The following CDH13 variants were observed in gnomAD, a reference collection of about 807,000 sequenced individuals.
CDH13 encodes the protein cadherin-13.
CDH13 carries 24 observed loss-of-function variants against 63.8 expected under a neutral mutation model. That is an observed-to-expected ratio of 0.38 (90% CI 0.27 to 0.53). CDH13 has a LOEUF of 0.53. CDH13 is among the 20% of genes least tolerant of loss of function. The pLI is 0.85. For missense variants in CDH13, 1,049 were observed against 903.1 expected (o/e 1.16, Z -2.07); for synonymous variants, 503 against 355.3 (o/e 1.42, Z -4.67).
At chr16:83,119,526 T>G (rs1054139533) in intron 3 of CDH13, among the ~76,000 whole-genome samples, 2 of 152,164 alleles carry the variant, frequency 1.3e-5, no homozygotes. Flanking sequence ...ACCTCCCTCC[T>G]TTACGCTGAT....
intron 10 of CDH13, among the ~76,000 whole-genome samples, chr16:83,698,628 G>A (rs1905747163): frequency 6.6e-6 from 1 of 152,228 alleles, no homozygotes; most frequent in South Asian, 2.1e-4. Flanking sequence ...TGAGGAGGAT[G>A]CTTAGCCCTA....
intron 5 of CDH13, among the ~76,000 whole-genome samples, chr16:83,271,508 A>C (rs1347386178): frequency 2.8e-5 from 4 of 140,650 alleles, no homozygotes; most frequent in Admixed American, 2.2e-4. Flanking sequence ...TTTAAAAAAA[A>C]ACAAAACAAA....
intron 1 of CDH13, among the ~76,000 whole-genome samples, chr16:82,682,026 C>T (rs755715579): frequency 3.3e-5 from 5 of 152,214 alleles, no homozygotes; most frequent in Non-Finnish European, 7.3e-5. Context: ...GTGGGGCTCT[C>T]AAGCCCTTGG....
At chr16:83,214,156 G>T (rs2039424122) in intron 4 of CDH13, among the ~76,000 whole-genome samples, 1 of 152,102 alleles carries the variant, frequency 6.6e-6, no homozygotes, top group African/African-American at 2.4e-5. Flanking sequence ...ACTGCTGCTG[G>T]CAGAGAGGGG....
At chr16:82,836,963 T>C (rs933526742) in intron 1 of CDH13, among the ~76,000 whole-genome samples, 1 of 152,236 alleles carries the variant, frequency 6.6e-6, no homozygotes, top group African/African-American at 2.4e-5. Context: ...GTCTTTCTTA[T>C]AACAAAGGCT....
At chr16:83,731,842 A>G (rs1490625883) in intron 10 of CDH13, among the ~76,000 whole-genome samples, 1 of 152,244 alleles carries the variant, frequency 6.6e-6, no homozygotes, top group East Asian at 1.9e-4. Flanking sequence ...ATGTAAAATG[A>G]GCAAAATTCT....
At chr16:83,490,413 A>G (rs1026649892) in intron 7 of CDH13, among the ~76,000 whole-genome samples, 1 of 152,104 alleles carries the variant, frequency 6.6e-6, no homozygotes. Context: ...TGTAGAAATG[A>G]TCCTTACTAT....
rs75486215 is a variant in CDH13 at position 83,365,643 on chromosome 16, G to A, written c.781+20637G>A. On this transcript the variant is annotated intron_variant, in intron 6 of 13. Transcript: ENST00000567109. ...TGACCTTAAAACAAGGAGGTTACCC[G>A]GGATTATCCAGGTGGACCCAGGTAA... Among the ~76,000 whole-genome samples, 1,002 of 152,254 alleles carry A rather than the reference G, an allele frequency of 6.6e-3. 27 individuals carry two copies. In the East Asian group the frequency reaches 0.074, roughly 11 times the overall value.
At chr16:83,334,245 T>C (rs964589116) in intron 5 of CDH13, among the ~76,000 whole-genome samples, 2 of 152,014 alleles carry the variant, frequency 1.3e-5, no homozygotes, top group Non-Finnish European at 2.9e-5. Flanking sequence ...TCTTTCTGTC[T>C]GTCTGTCTCT....
At chr16:83,012,428 C>T (rs1484089355) in intron 2 of CDH13, among the ~76,000 whole-genome samples, 2 of 151,094 alleles carry the variant, frequency 1.3e-5, no homozygotes, top group African/African-American at 4.9e-5. Context: ...CGCTATTTTC[C>T]TACCACCTTT....
chr16:83,645,970 A>G (rs559991667), intron 8 of CDH13, among the ~76,000 whole-genome samples: 2 of 152,316 alleles, frequency 1.3e-5, no homozygotes, highest in Admixed American at 6.5e-5. Flanking sequence ...AACCATAGCT[A>G]CATAAACTGG....
intron 12 of CDH13, among the ~76,000 whole-genome samples, chr16:83,781,153 A>G (rs973732311): frequency 6.6e-6 from 1 of 152,130 alleles, no homozygotes; most frequent in Admixed American, 6.5e-5. Flanking sequence ...AAGTCCTTCC[A>G]CATAGGCAGG....
rs1181394892 is a variant in CDH13 at position 82,742,341 on chromosome 16, C to A, written c.45+115204C>A. Among the ~76,000 whole-genome samples, 3 of 151,974 alleles carry A rather than the reference C, an allele frequency of 2.0e-5. No individual in the cohort carries two copies. In the East Asian group the frequency reaches 5.8e-4, roughly 29 times the overall value. ...TTTTCTTTTTGCCTTTCTCTAGTTT[C>A]CAAATTTTCTACAATGAACATACAT... is the stretch of plus-strand genomic sequence containing the variant. On this transcript the variant is annotated intron_variant, in intron 1 of 13. Transcript: ENST00000567109.
chr16:83,192,070 A>C (rs1221422356), intron 4 of CDH13, among the ~76,000 whole-genome samples: 5 of 152,090 alleles, frequency 3.3e-5, no homozygotes, highest in Non-Finnish European at 5.9e-5. Context: ...CTGCACGGAT[A>C]CTCGGTCACT....
At chr16:82,952,022 A>T (rs1259889966) in intron 2 of CDH13, among the ~76,000 whole-genome samples, 1 of 152,184 alleles carries the variant, frequency 6.6e-6, no homozygotes, top group Non-Finnish European at 1.5e-5. Context: ...TCACTGGAAC[A>T]TTGTGTTGTG....
intron 1 of CDH13, among the ~76,000 whole-genome samples, chr16:82,734,361 A>G (rs1475325547): frequency 1.3e-5 from 2 of 152,158 alleles, no homozygotes; most frequent in African/African-American, 4.8e-5. Context: ...CTAGAAGAAG[A>G]GTTTTCCAGG....
At chr16:83,003,293 T>G (rs1305157717) in intron 2 of CDH13, among the ~76,000 whole-genome samples, 1 of 152,194 alleles carries the variant, frequency 6.6e-6, no homozygotes, top group East Asian at 1.9e-4. Context: ...GGCTGTGGAT[T>G]GCCATCTCTC....
chr16:83,197,970 A>G (rs138813759), intron 4 of CDH13, among the ~76,000 whole-genome samples: 3 of 152,318 alleles, frequency 2.0e-5, no homozygotes, highest in Non-Finnish European at 2.9e-5. Context: ...TTGCAAATGC[A>G]TGTGCATCTA....
chr16:82,878,690 G>A lies in CDH13; in HGVS notation c.157+20217G>A, dbSNP rs1018283924. Among the ~76,000 whole-genome samples the A allele has an allele frequency of 5.3e-5, 8 of 151,226 alleles. No individual in the cohort carries two copies. In the South Asian group the frequency reaches 1.3e-3, roughly 24 times the overall value. ...TTGTTGGTCCAATGGCGGGGGTTGGGGAGACACAAGCAGTTGGCAGGGAAC... is the reference window on the plus strand; with the variant it reads ...TTGTTGGTCCAATGGCGGGGGTTGGAGAGACACAAGCAGTTGGCAGGGAAC... On this transcript the variant is annotated intron_variant, in intron 2 of 13. Transcript: ENST00000567109.
Sources: gnomAD v4.1 joint callset for allele counts (sites outside exome capture counted in the v4.1 genomes callset) on GRCh38, gnomAD v4.1.1 for gene constraint, MANE v1.5 for transcripts, NCBI Gene and HGNC (gene_info 2026-07-23, HGNC 2026-07-21) for gene names.